Variants in NELL2 observed in about 807,000 individuals in gnomAD.
NELL2 encodes neural EGFL like 2.
NELL2 carries 41 observed loss-of-function variants against 109.6 expected under a neutral mutation model. The ratio of observed to expected loss-of-function variants is 0.37; its 90% CI spans 0.29 to 0.49. The LOEUF is 0.49. Among genes scored for constraint, NELL2 ranks in the 20% least tolerant of loss-of-function variants. The pLI, the probability that NELL2 is intolerant of heterozygous loss-of-function variation, is 0.98. For missense variants in NELL2, 900 were observed against 1,008.3 expected (o/e 0.89, Z 1.45); for synonymous variants, 355 against 344.7 (o/e 1.03, Z -0.33).
intron 15 of NELL2, among the ~76,000 whole-genome samples, chr12:44,600,146 T>G (rs1254407847): frequency 6.9e-6 from 1 of 145,136 alleles, no homozygotes; most frequent in African/African-American, 2.5e-5. Flanking sequence ...ATTTATTTAT[T>G]TATTTATTTA....
At chr12:44,600,127 A>ATTTATTT (rs1555183509) in intron 15 of NELL2, among the ~76,000 whole-genome samples, 10 of 132,186 alleles carry the variant, frequency 7.6e-5, no homozygotes, top group South Asian at 2.6e-4. Flanking sequence ...ACGCCCGGCT[A>ATTTATTT]ATTTATTTAT....
At chr12:44,645,196 A>T (rs1340944897) in intron 13 of NELL2, among the ~76,000 whole-genome samples, 1 of 152,102 alleles carries the variant, frequency 6.6e-6, no homozygotes, top group Non-Finnish European at 1.5e-5. Flanking sequence ...TAGGAGAGGG[A>T]GGGAGGGGAC....
intron 15 of NELL2, among the ~76,000 whole-genome samples, chr12:44,538,902 A>G (rs912483138): frequency 6.6e-6 from 1 of 152,090 alleles, no homozygotes; most frequent in Non-Finnish European, 1.5e-5. Context: ...TTAGTATTTT[A>G]TTATTTCTTT....
At chr12:44,635,352 T>A (rs1259165464) in intron 13 of NELL2, among the ~76,000 whole-genome samples, 1 of 152,226 alleles carries the variant, frequency 6.6e-6, no homozygotes, top group Non-Finnish European at 1.5e-5. Context: ...CATGAAGTCT[T>A]TGCCCATGCC....
intron 2 of NELL2, among the ~76,000 whole-genome samples, chr12:44,834,467 G>T (rs1181747386): frequency 7.0e-6 from 1 of 143,096 alleles, no homozygotes. Flanking sequence ...TCTTTAAAAG[G>T]TTTATTGATC....
At chr12:44,854,716 GTGGATGGA>G (rs1205431184) in intron 2 of NELL2, among the ~76,000 whole-genome samples, 9 of 147,142 alleles carry the variant, frequency 6.1e-5, no homozygotes, top group African/African-American at 2.0e-4. Flanking sequence ...GGGTGGGTGG[GTGGATGGA>G]TGGATGGATG....
chr12:44,617,110 A>G (rs958965053), intron 13 of NELL2, among the ~76,000 whole-genome samples: 1 of 151,998 alleles, frequency 6.6e-6, no homozygotes, highest in Non-Finnish European at 1.5e-5. Context: ...TTCCCTTTCA[A>G]GTCTGGTATA....
chr12:44,563,977 T>C (rs1943567058), intron 15 of NELL2, among the ~76,000 whole-genome samples: 1 of 152,172 alleles, frequency 6.6e-6, no homozygotes, highest in African/African-American at 2.4e-5. Flanking sequence ...ATAGCATATA[T>C]TGATATAATC....
chr12:44,523,568 C>T, intron 16 of NELL2, 84 bp from the exon 17 acceptor site: 1 of 1,146,574 alleles, frequency 8.7e-7, no homozygotes, highest in East Asian at 2.4e-5. Context: ...TGTCTCCTGA[C>T]ATAAGGTATT....
chr12:44,523,748 G>T, intron 16 of NELL2: 1 of 428,704 alleles, frequency 2.3e-6, no homozygotes, highest in South Asian at 3.2e-5. Context: ...ATAACATTAG[G>T]CTTTATGAAA....
In NELL2 at chr12:44,618,220, G is replaced by A. The variant is rs532315076; in HGVS notation, c.1445-7250C>T. 6.6e-4 allele frequency among the ~76,000 whole-genome samples: 101 copies of A among 152,160 alleles called. 1 individual carries two copies. In the Middle Eastern group the frequency reaches 0.014, roughly 20 times the overall value. ...TCTAAAAGTCATTTTTAACACCCAG[G>A]CATTTTTAATTCACTATTTAAGTTT... On this transcript the variant is annotated intron_variant, in intron 13 of 19. Coordinates refer to ENST00000429094, the MANE Select transcript of NELL2 (RefSeq NM_001145108.2).
At chr12:44,710,914 GA>G (rs1051154236) in intron 11 of NELL2, among the ~76,000 whole-genome samples, 52 of 152,054 alleles carry the variant, frequency 3.4e-4, no homozygotes, top group Admixed American at 2.8e-3. Context: ...GAGGAGAAAT[GA>G]AAAACAAACA....
intron 13 of NELL2, among the ~76,000 whole-genome samples, chr12:44,652,899 A>G (rs766654609): frequency 3.9e-5 from 6 of 151,942 alleles, no homozygotes; most frequent in Non-Finnish European, 5.9e-5. Context: ...CTCCTTATCT[A>G]TTTTCAAATC....
At chr12:44,876,829 G>A, upstream of NELL2, 1 of 1,329,306 alleles carries the variant, frequency 7.5e-7, no homozygotes, top group Non-Finnish European at 9.7e-7. Context: ...TGCCGAGGTG[G>A]AGCTGGGCAA....
rs1942033277 is a variant in NELL2, at chr12:44,783,285, G to C, written c.336-3263C>G. Among the ~76,000 whole-genome samples, 3 of 151,122 alleles carry C rather than the reference G, an allele frequency of 2.0e-5. No individual in the cohort carries two copies. The South Asian group carries it at 6.3e-4, about 32-fold the overall frequency. ...ACTAAATGCATATATTAGAAAAGAAGATAAGTCCCAAATCAATAAGCTCCC... is the reference window on the plus strand; with the variant it reads ...ACTAAATGCATATATTAGAAAAGAACATAAGTCCCAAATCAATAAGCTCCC... On this transcript the variant is annotated intron_variant, in intron 3 of 19. Transcript: ENST00000429094.
intron 15 of NELL2, among the ~76,000 whole-genome samples, chr12:44,605,728 T>G (rs902050142): frequency 2.6e-5 from 4 of 152,092 alleles, no homozygotes; most frequent in Admixed American, 6.6e-5. Context: ...CATTGAAATG[T>G]CCTGAAAAAG....
chr12:44,880,114 T>TACACACACAC (rs747220208), upstream of NELL2, among the ~76,000 whole-genome samples: 129 of 137,126 alleles, frequency 9.4e-4, no homozygotes, highest in African/African-American at 2.8e-3. Flanking sequence ...TCAAGAAACA[T>TACACACACAC]ACACACACAC....
intron 12 of NELL2, among the ~76,000 whole-genome samples, chr12:44,669,233 A>G (rs992564515): frequency 6.6e-6 from 1 of 152,156 alleles, no homozygotes; most frequent in Non-Finnish European, 1.5e-5. Flanking sequence ...GTACACATCT[A>G]TAGAAAAAAG....
At chr12:44,692,229 A>T (rs1487314748) in intron 12 of NELL2, among the ~76,000 whole-genome samples, 1 of 152,142 alleles carries the variant, frequency 6.6e-6, no homozygotes, top group East Asian at 1.9e-4. Flanking sequence ...GGCCCTTAAG[A>T]ATTATGCTAA....
Sources: allele counts gnomAD v4.1 joint callset (sites outside exome capture counted in the v4.1 genomes callset), GRCh38; gene constraint gnomAD v4.1.1; transcripts MANE v1.5; gene names NCBI Gene and HGNC (gene_info 2026-07-23, HGNC 2026-07-21).